The following SLC52A1 variants were observed in gnomAD, a reference collection of about 807,000 sequenced individuals.
SLC52A1 encodes the protein solute carrier family 52, riboflavin transporter, member 1.
SLC52A1 carries 20 observed loss-of-function variants against 23.2 expected under a neutral mutation model. That is an observed-to-expected ratio of 0.86 (90% CI 0.61 to 1.25). SLC52A1 has a LOEUF of 1.25. Among genes scored for constraint, SLC52A1 ranks in the 50% most tolerant of loss-of-function variants. SLC52A1 has a pLI of 0.00. For missense variants in SLC52A1, 528 were observed against 557.0 expected, an observed-to-expected ratio of 0.95 and a Z score of 0.52; for synonymous variants, 260 against 256.6, an observed-to-expected ratio of 1.01 and a Z score of -0.13.
At chr17:5,035,738 G>A (rs147835946), upstream of SLC52A1, among the ~76,000 whole-genome samples, 792 of 144,512 alleles carry the variant, frequency 5.5e-3, 5 homozygotes, top group African/African-American at 0.019. Flanking sequence ...TGTCACCCAG[G>A]CTAGAGCGCA....
chr17:5,034,296 C>G lies in SLC52A1; in HGVS notation c.193G>C (p.Val65Leu), dbSNP rs1166448456. The change falls in exon 3 of 5, where the codon GTG (valine) becomes CTG (leucine). Residue 65 changes from valine (V) to leucine (L), a missense_variant. By Grantham distance (32) the Val-to-Leu change is conservative. Coordinates refer to ENST00000254853, the MANE Select transcript of SLC52A1 (RefSeq NM_017986.4). ...GGGGCCAGCTGCCTCCACAGGGTCACCACCAGCAGACCCAGGTTTCCCAGC... is the reference window on the plus strand; with the variant it reads ...GGGGCCAGCTGCCTCCACAGGGTCAGCACCAGCAGACCCAGGTTTCCCAGC... ...VALGNLGLLV[V>L]TLWRQLAPGK... is the part of the protein sequence containing the mutation. The G allele has an allele frequency of 1.2e-6, 2 of 1,601,076 alleles. No individual in the cohort carries two copies. The highest frequency in any genetic ancestry group is 1.7e-6 in the Non-Finnish European group (2 of 1,173,434).
In SLC52A1 at chr17:5,034,919, G is replaced by A; in HGVS notation, c.-166C>T. On this transcript the variant is annotated 5_prime_UTR_variant, in exon 1 of 5. Transcript: ENST00000254853. ...ACCCAGCAGTGCCGGCAGGCAGACA[G>A]GCAGAAAGCTGGCCCGAGGTGCAGC... 1 of 289,902 alleles carries A rather than the reference G, an allele frequency of 3.4e-6. No homozygotes were observed. The highest frequency in any genetic ancestry group is 6.8e-6 in the Non-Finnish European group (1 of 147,650). 18.0% of individuals were successfully genotyped at this position (289,902 alleles called of 1,614,324 possible).
chr17:5,035,844 CCACAGGCGAGCAT>C (rs1248074115), upstream of SLC52A1, among the ~76,000 whole-genome samples: 1 of 148,688 alleles, frequency 6.7e-6, no homozygotes, highest in African/African-American at 2.5e-5. Flanking sequence ...GTAGCTGGGA[CCACAGGCGAGCAT>C]CACCATGTCC....
upstream of SLC52A1, among the ~76,000 whole-genome samples, chr17:5,035,609 G>A (rs2143441864): frequency 6.6e-6 from 1 of 152,354 alleles, no homozygotes; most frequent in African/African-American, 2.4e-5. Context: ...GCGGCTGGCG[G>A]TCTGCCTGAG....
At chr17:5,035,862 A>C, upstream of SLC52A1, among the ~76,000 whole-genome samples, 2 of 124,716 alleles carry the variant, frequency 1.6e-5, no homozygotes, top group Non-Finnish European at 1.6e-5. Flanking sequence ...GAGCATCACC[A>C]TGTCCAGCTA....
chr17:5,034,291 G>A lies in SLC52A1; in HGVS notation c.198C>T (p.Thr66=), dbSNP rs781552117. ...TGCCCGGGGCCAGCTGCCTCCACAG[G>A]GTCACCACCAGCAGACCCAGGTTTC... ...ALGNLGLLVV[T]LWRQLAPGKG... is the part of the protein sequence containing the mutation. The change falls in exon 3 of 5, where the codon ACC becomes ACT. Residue 66 remains threonine, a synonymous_variant. Transcript: ENST00000254853. The A allele has an allele frequency of 3.7e-6, 6 of 1,603,614 alleles. No individual in the cohort carries two copies. The highest frequency in any genetic ancestry group is 1.7e-4 in the Middle Eastern group (1 of 6,018).
chr17:5,040,760 C>CA (rs1173904912), intron 1 of SLC52A1, among the ~76,000 whole-genome samples: 2 of 152,146 alleles, frequency 1.3e-5, no homozygotes, highest in Admixed American at 1.3e-4. Context: ...CAGTTCAGTT[C>CA]ACCATAAACC....
chr17:5,036,403 CTTTTTTTTTT>C (rs34031349), upstream of SLC52A1, among the ~76,000 whole-genome samples: 4 of 59,208 alleles, frequency 6.8e-5, no homozygotes, highest in African/African-American at 3.1e-4. Context: ...CTAATTTTTG[CTTTTTTTTTT>C]TTTTTTTTTT....
At chr17:5,034,822 G>GC (rs1975420548) in intron 1 of SLC52A1, 39 bp downstream of exon 1, 1 of 505,016 alleles carries the variant, frequency 2.0e-6, no homozygotes, top group South Asian at 2.5e-5. Context: ...GGGAGAGGTG[G>GC]CCGGGGGCGG....
At position 5,033,631 on chromosome 17, in the gene SLC52A1, C is replaced by T; in HGVS notation, c.858G>A (p.Met286Ile). Residue 286 changes from methionine (M) to isoleucine (I), a missense_variant, in exon 3 of 5, where the codon ATG becomes ATA. Met to Ile is a conservative substitution (Grantham distance 10). Transcript: ENST00000254853. ...CATTGGTCACGGCACTGGTGAAGGC[C>T]ATCAGGCCCAGCAGGAAGGCACCAT... ...SAHGAFLLGLMAFTSAVTNGV... is the reference protein window; with the variant it reads ...SAHGAFLLGLIAFTSAVTNGV... 1 of 1,614,048 alleles carries T rather than the reference C, an allele frequency of 6.2e-7. No homozygotes were observed. The highest frequency in any genetic ancestry group is 8.5e-7 in the Non-Finnish European group (1 of 1,180,016).
In SLC52A1 at chr17:5,033,979, G is replaced by A. The variant is rs144716094; in HGVS notation, c.510C>T (p.Leu170=). 1.3e-3 allele frequency: 2,177 copies of A among 1,614,066 alleles called. 4 individuals carry two copies. Among genetic ancestry groups the A allele is most frequent in the Non-Finnish European group, 1.7e-3 (2,028 of 1,179,950 alleles). ...CATTGGTGGGCGCTGGTGGGCACTC[G>A]AGGCGGCCCACACCTTGCACTAGGG... is the stretch of plus-strand genomic sequence containing the variant. ...VLALVQGVGR[L]ECPPAPTNGT... The change falls in exon 3 of 5, where the codon CTC becomes CTT. Residue 170 remains leucine (L), a synonymous_variant. Coordinates refer to ENST00000254853, the MANE Select transcript of SLC52A1 (RefSeq NM_017986.4).
chr17:5,038,644 T>G (rs1485490679), upstream of SLC52A1, among the ~76,000 whole-genome samples: 1 of 151,950 alleles, frequency 6.6e-6, no homozygotes, highest in Non-Finnish European at 1.5e-5. Flanking sequence ...TGGCGTGCAG[T>G]GGCGCAATCT....
intron 1 of SLC52A1, among the ~76,000 whole-genome samples, chr17:5,041,255 TA>T (rs1975541526): frequency 1.3e-5 from 2 of 152,088 alleles, no homozygotes; most frequent in African/African-American, 4.8e-5. Flanking sequence ...CACGGCTGGC[TA>T]ATTTTTTACT....
At chr17:5,035,873 A>ATTTTTTTTT (rs71149503), upstream of SLC52A1, among the ~76,000 whole-genome samples, 2 of 45,302 alleles carry the variant, frequency 4.4e-5, no homozygotes, top group Non-Finnish European at 7.0e-5. Flanking sequence ...TGTCCAGCTA[A>ATTTTTTTTT]TTTTTTTTTT....
In SLC52A1 at chr17:5,034,596, G is replaced by C; in HGVS notation, c.11C>G (p.Pro4Arg). 1 of 1,614,186 alleles carries C rather than the reference G, an allele frequency of 6.2e-7. No individual in the cohort carries two copies. The highest frequency in any genetic ancestry group is 8.5e-7 in the Non-Finnish European group (1 of 1,180,024). The change falls in exon 2 of 5, where the codon CCC becomes CGC. Residue 4 changes from proline (P) to arginine (R), a missense_variant. Pro to Arg is a moderately radical substitution (Grantham distance 103). Transcript: ENST00000254853. The part of the protein sequence containing the change: MAA[P>R]TLGRLVLTHL... ...GGTCAGCACCAGACGGCCCAGCGTG[G>C]GTGCTGCCATTCAGCCCAAAGCTGG...
chr17:5,037,628 A>G (rs1240310053), upstream of SLC52A1, among the ~76,000 whole-genome samples: 1 of 152,210 alleles, frequency 6.6e-6, no homozygotes, highest in African/African-American at 2.4e-5. Flanking sequence ...CTATAAGGGC[A>G]GAGCTGAATG....
chr17:5,038,677 C>T (rs183080690), upstream of SLC52A1, among the ~76,000 whole-genome samples: 15 of 152,096 alleles, frequency 9.9e-5, no homozygotes, highest in African/African-American at 2.2e-4. Context: ...AGCTCTGCCT[C>T]CTGGGTTCAC....
chr17:5,033,263 C>G lies in SLC52A1; in HGVS notation c.1132G>C (p.Val378Leu). Residue 378 changes from valine (V) to leucine (L), a missense_variant and splice_region_variant, in exon 4 of 5, where the codon GTG becomes CTG. Coordinates refer to ENST00000254853, the MANE Select transcript of SLC52A1 (RefSeq NM_017986.4). ...ACTTCATGTCTCCACTTGCTCACCA[C>G]AAGGACCACCCCTGCAGTGGTGCCC... ...LVGTTAGVVLVVLSWVLCLCV... is the reference protein window; with the variant it reads ...LVGTTAGVVLLVLSWVLCLCV... The G allele has an allele frequency of 6.2e-7, 1 of 1,613,998 alleles. No individual in the cohort carries two copies. Among genetic ancestry groups the G allele is most frequent in the Non-Finnish European group, 8.5e-7 (1 of 1,179,960 alleles).
At chr17:5,035,873 AT>A (rs71149503), upstream of SLC52A1, among the ~76,000 whole-genome samples, 5,898 of 44,752 alleles carry the variant, frequency 0.13, 135 homozygotes, top group East Asian at 0.35. Context: ...TGTCCAGCTA[AT>A]TTTTTTTTTT....
Sources: allele counts gnomAD v4.1 joint callset (sites outside exome capture counted in the v4.1 genomes callset), GRCh38; gene constraint gnomAD v4.1.1; transcripts MANE v1.5; gene names NCBI Gene and HGNC (gene_info 2026-07-23, HGNC 2026-07-21).